The following MEGF6 variants were observed in gnomAD, a reference collection of about 807,000 sequenced individuals.
The protein encoded by MEGF6 is multiple EGF like domains 6.
Under a neutral mutation model 207.1 loss-of-function variants are expected in MEGF6, and 184 were observed. The ratio of observed to expected loss-of-function variants is 0.89; its 90% CI spans 0.79 to 1.00. The LOEUF is 1.00. Ranked by LOEUF, MEGF6 falls within the 50% of genes least tolerant of loss-of-function variation. MEGF6 has a pLI of 0.00. For synonymous variants in MEGF6, 1,038 were observed against 910.0 expected, an observed-to-expected ratio of 1.14 and a Z score of -2.53; for missense variants, 2,282 against 2,202.9, an observed-to-expected ratio of 1.04 and a Z score of -0.72.
At chr1:3,528,733 A>C (rs779891264) in intron 4 of MEGF6, among the ~76,000 whole-genome samples, 3 of 152,124 alleles carry the variant, frequency 2.0e-5, no homozygotes, top group African/African-American at 7.2e-5. Context: ...AGGAGGGGCC[A>C]CAAGACCAGG....
In MEGF6 at chr1:3,523,826, C is replaced by T. The variant is rs147517860; in HGVS notation, c.604+298G>A. ...AGGATCTCCACCCACGGGCTCACTC[C>T]CCTGTCCACTGGGAGGGGCCTCAGC... On this transcript the variant is annotated intron_variant, in intron 5 of 36. Transcript: ENST00000356575. 5.4e-3 allele frequency among the ~76,000 whole-genome samples: 822 copies of T among 152,368 alleles called. 8 individuals carry two copies. Among genetic ancestry groups the T allele is most frequent in the Non-Finnish European group, 7.1e-3 (482 of 68,030 alleles).
chr1:3,569,229 T>G (rs1643431815), intron 4 of MEGF6, among the ~76,000 whole-genome samples: 1 of 152,210 alleles, frequency 6.6e-6, no homozygotes, highest in African/African-American at 2.4e-5. Flanking sequence ...GGACAGCCTC[T>G]GGGACCCATC....
chr1:3,543,938 A>G (rs1182197882), intron 4 of MEGF6, among the ~76,000 whole-genome samples: 1 of 152,128 alleles, frequency 6.6e-6, no homozygotes, highest in Non-Finnish European at 1.5e-5. Flanking sequence ...GGGCATAAAC[A>G]CGGCCGGCAG....
intron 28 of MEGF6, 57 bp downstream of exon 28, chr1:3,496,931 G>A: frequency 6.5e-7 from 1 of 1,533,784 alleles, no homozygotes; most frequent in East Asian, 2.5e-5. Context: ...GGGGAACTGG[G>A]GCCCAGCACG....
At chr1:3,506,615 A>G (rs909462291) in intron 14 of MEGF6, among the ~76,000 whole-genome samples, 1 of 152,154 alleles carries the variant, frequency 6.6e-6, no homozygotes, top group African/African-American at 2.4e-5. Context: ...GCCCCAGTAG[A>G]CAAGGTCCCA....
At chr1:3,511,778 C>T (rs1035710078) in intron 8 of MEGF6, 91 bp from the exon 9 acceptor site, 8 of 1,536,684 alleles carry the variant, frequency 5.2e-6, no homozygotes, top group Non-Finnish European at 7.0e-6. Flanking sequence ...CAGCAGCCAG[C>T]CTCGGGCCTG....
chr1:3,495,423 G>A (rs879943478), intron 30 of MEGF6, among the ~76,000 whole-genome samples: 2 of 152,284 alleles, frequency 1.3e-5, no homozygotes, highest in Middle Eastern at 3.4e-3. Context: ...CACTACGCCT[G>A]TCCCCTGGGT....
intron 3 of MEGF6, among the ~76,000 whole-genome samples, chr1:3,580,547 G>A (rs1326343320): frequency 1.4e-5 from 2 of 138,856 alleles, no homozygotes; most frequent in Non-Finnish European, 3.2e-5. Context: ...TGAGAGGCAA[G>A]GCAGGGGCTC....
Position 3,506,093 on chromosome 1 carries a change from G to T in MEGF6, c.1918+15C>A, listed in dbSNP as rs920195065. On this transcript the variant is annotated intron_variant, in intron 15 of 36. Transcript: ENST00000356575. ...TGCCACCACCATGGACACTGGAAGGGGCAGTGAGACTCACTGAGGTGGCAG... is the reference window on the plus strand; with the variant it reads ...TGCCACCACCATGGACACTGGAAGGTGCAGTGAGACTCACTGAGGTGGCAG... 18 of 1,581,172 alleles carry T rather than the reference G, an allele frequency of 1.1e-5. No individual in the cohort carries two copies. In the African/African-American group the frequency reaches 2.4e-4, roughly 21 times the overall value.
intron 4 of MEGF6, among the ~76,000 whole-genome samples, chr1:3,525,678 G>A (rs974357775): frequency 5.9e-5 from 9 of 152,206 alleles, no homozygotes; most frequent in African/African-American, 1.4e-4. Flanking sequence ...CAGGACCCCC[G>A]GGATGCACCA....
chr1:3,527,663 C>T (rs1333881214), intron 4 of MEGF6, among the ~76,000 whole-genome samples: 1 of 152,206 alleles, frequency 6.6e-6, no homozygotes, highest in African/African-American at 2.4e-5. Flanking sequence ...GGACCTGGTG[C>T]CCTCCAATGA....
intron 4 of MEGF6, among the ~76,000 whole-genome samples, chr1:3,529,157 G>C (rs973032159): frequency 2.0e-5 from 3 of 152,182 alleles, no homozygotes; most frequent in African/African-American, 7.2e-5. Flanking sequence ...GGACCATCCC[G>C]TGCTGCCTAC....
At chr1:3,515,339 C>T in intron 6 of MEGF6, 63 bp downstream of exon 6, 2 of 1,546,182 alleles carry the variant, frequency 1.3e-6, no homozygotes, top group Non-Finnish European at 8.7e-7. Context: ...CCCAACAGCC[C>T]AGGCGAGGCA....
chr1:3,494,193 G>A, intron 32 of MEGF6, 69 bp from the exon 33 acceptor site: 1 of 1,490,660 alleles, frequency 6.7e-7, no homozygotes, highest in Non-Finnish European at 8.9e-7. Flanking sequence ...CCCAGAGTGA[G>A]TAAAACCCGC....
intron 18 of MEGF6, 81 bp from the exon 19 acceptor site, chr1:3,501,389 G>A (rs986618268): frequency 6.0e-6 from 9 of 1,499,466 alleles, no homozygotes; most frequent in African/African-American, 5.5e-5. Context: ...GATGCCCCTG[G>A]AGCCACGGCC....
At chr1:3,521,292 G>T (rs1641737710) in intron 5 of MEGF6, among the ~76,000 whole-genome samples, 1 of 152,184 alleles carries the variant, frequency 6.6e-6, no homozygotes, top group South Asian at 2.1e-4. Context: ...ACTGAGGCAG[G>T]AAGGTAAGGC....
intron 1 of MEGF6, among the ~76,000 whole-genome samples, 169 bp from the exon 2 acceptor site, chr1:3,602,769 C>A (rs1352923967): frequency 6.6e-6 from 1 of 152,160 alleles, no homozygotes; most frequent in South Asian, 2.1e-4. Context: ...AGCCGTGGGA[C>A]CCAGGCTTGA....
At position 3,560,392 on chromosome 1, in the gene MEGF6, G is replaced by C. The variant is rs1049300837; in HGVS notation, c.481+19433C>G. Among the ~76,000 whole-genome samples, 1 of 152,146 alleles carries C rather than the reference G, an allele frequency of 6.6e-6. No individual in the cohort carries two copies. The highest frequency in any genetic ancestry group is 2.4e-5 in the African/African-American group (1 of 41,426). On this transcript the variant is annotated intron_variant, in intron 4 of 36. Coordinates refer to ENST00000356575, the MANE Select transcript of MEGF6 (RefSeq NM_001409.4). The surrounding 1 kb of genome is among the most constrained non-coding windows in gnomAD (Gnocchi z 4.0). ...ACTTGGACAAGTGTCTCATGGCCTG[G>C]ATCCACCATTGTAAGATCACGCAGA...
chr1:3,613,232 C>T (rs1034577854), upstream of MEGF6, among the ~76,000 whole-genome samples: 12 of 152,186 alleles, frequency 7.9e-5, no homozygotes, highest in East Asian at 1.9e-4. Context: ...CCCGGGATCT[C>T]GGCTGCAGGG....
Sources: allele counts gnomAD v4.1 joint callset (sites outside exome capture counted in the v4.1 genomes callset), GRCh38; gene constraint gnomAD v4.1.1; non-coding constraint Gnocchi (gnomAD v3.1); transcripts MANE v1.5; gene names NCBI Gene and HGNC (gene_info 2026-07-23, HGNC 2026-07-21).